The following TACR1 variants were observed in gnomAD, a reference collection of about 807,000 sequenced individuals.
The protein encoded by TACR1 is tachykinin receptor 1, also known as substance-P receptor.
In TACR1, 25 loss-of-function variants were observed where a neutral mutation model predicts 35.8. The observed-to-expected ratio is 0.70, with a 90% confidence interval of 0.51 to 0.98. TACR1 has a LOEUF of 0.98. TACR1 is among the 50% of genes least tolerant of loss of function. The pLI is 0.00. For missense variants in TACR1, 478 were observed against 522.9 expected (o/e 0.91, Z 0.84); for synonymous variants, 195 against 206.7 (o/e 0.94, Z 0.48).
intron 1 of TACR1, among the ~76,000 whole-genome samples, chr2:75,155,395 C>T (rs1430938123): frequency 6.6e-6 from 1 of 152,012 alleles, no homozygotes; most frequent in South Asian, 2.1e-4. Context: ...TCCTGTCTCC[C>T]CCTCCCTTTG....
intron 3 of TACR1, 123 bp downstream of exon 3, chr2:75,053,482 G>A (rs1451833562): frequency 1.6e-6 from 2 of 1,237,000 alleles, no homozygotes; most frequent in Non-Finnish European, 2.1e-6. Context: ...CCTCCTCTCT[G>A]TTGCTCCCCA....
chr2:75,049,599 G>A lies in TACR1; in HGVS notation c.1057C>T (p.Arg353Cys), dbSNP rs374522374. 8.1e-6 allele frequency: 13 copies of A among 1,613,968 alleles called. No homozygotes were observed. The highest frequency in any genetic ancestry group is 6.7e-5 in the African/African-American group (5 of 74,944). Residue 353 changes from arginine to cysteine, a missense_variant, in exon 5 of 5, where the codon CGC becomes TGC. Coordinates refer to ENST00000305249, the MANE Select transcript of TACR1 (RefSeq NM_001058.4). ...QTQGSVYKVS[R>C]LETTISTVVG... is the part of the protein sequence containing the mutation. ...ACTGTGGAGATGGTGGTCTCCAGGC[G>A]GCTGACTTTGTACACACTGCCCTGG...
chr2:75,111,433 C>A (rs563722817), intron 2 of TACR1, among the ~76,000 whole-genome samples: 1 of 152,094 alleles, frequency 6.6e-6, no homozygotes, highest in Admixed American at 6.5e-5. Flanking sequence ...AAGGATTCCA[C>A]AATCAAATAA....
At chr2:75,165,484 A>G (rs1036716735) in intron 1 of TACR1, among the ~76,000 whole-genome samples, 5 of 151,658 alleles carry the variant, frequency 3.3e-5, no homozygotes, top group African/African-American at 1.2e-4. Context: ...AATTTTTTGT[A>G]TTTTTAGTAG....
intron 1 of TACR1, among the ~76,000 whole-genome samples, chr2:75,133,195 T>C (rs1674211586): frequency 6.6e-6 from 1 of 152,220 alleles, no homozygotes; most frequent in African/African-American, 2.4e-5. Flanking sequence ...TGAGCATTTT[T>C]TACTTCTTGC....
chr2:75,131,863 T>C (rs1674185239), intron 1 of TACR1, among the ~76,000 whole-genome samples: 1 of 152,214 alleles, frequency 6.6e-6, no homozygotes, highest in African/African-American at 2.4e-5. Context: ...GTTTTGGTTA[T>C]ATTTTATTTA....
chr2:75,166,048 C>A (rs560409676), intron 1 of TACR1, among the ~76,000 whole-genome samples: 105 of 152,342 alleles, frequency 6.9e-4, no homozygotes, highest in African/African-American at 2.0e-3. Context: ...TAAAGGGATA[C>A]TTTTCCCCTC....
rs200970899 is a variant in TACR1 at position 75,074,692 on chromosome 2, TTC to T, written c.585-20939_585-20938del. Among the ~76,000 whole-genome samples the T allele has an allele frequency of 4.6e-3, 697 of 152,322 alleles. 6 individuals are homozygous for T. The highest frequency in any genetic ancestry group is 0.016 in the African/African-American group (646 of 41,572). On this transcript the variant is annotated intron_variant, in intron 2 of 4. Coordinates refer to ENST00000305249, the MANE Select transcript of TACR1 (RefSeq NM_001058.4). Reference sequence around the variant, plus strand: ...GCCCCTGAAGGCAGGGATTTTTTTTTTCTTCCAGGCAAGAAGGTGGCTTCAGA... The same window carrying T: ...GCCCCTGAAGGCAGGGATTTTTTTTTTTCCAGGCAAGAAGGTGGCTTCAGA...
chr2:75,179,478 C>T (rs1374447758), intron 1 of TACR1, among the ~76,000 whole-genome samples: 1 of 152,182 alleles, frequency 6.6e-6, no homozygotes, highest in African/African-American at 2.4e-5. Flanking sequence ...GATCATGTCC[C>T]TTCCCTGCTA....
At chr2:75,119,382 A>G (rs1461090553) in intron 2 of TACR1, among the ~76,000 whole-genome samples, 1 of 152,210 alleles carries the variant, frequency 6.6e-6, no homozygotes. Flanking sequence ...GTAACTGGCA[A>G]TCTTGTAATT....
At chr2:75,079,268 C>A (rs766821931) in intron 2 of TACR1, among the ~76,000 whole-genome samples, 10 of 152,090 alleles carry the variant, frequency 6.6e-5, no homozygotes, top group Admixed American at 5.9e-4. Context: ...AACACATGGC[C>A]GCTGCTGTAG....
At chr2:75,079,704 A>G (rs1235487724) in intron 2 of TACR1, among the ~76,000 whole-genome samples, 2 of 149,836 alleles carry the variant, frequency 1.3e-5, no homozygotes, top group African/African-American at 4.9e-5. Flanking sequence ...ACATCTCAGG[A>G]AAAGTCCAAA....
At chr2:75,191,389 C>T (rs569814439) in intron 1 of TACR1, among the ~76,000 whole-genome samples, 10 of 152,084 alleles carry the variant, frequency 6.6e-5, no homozygotes, top group Non-Finnish European at 1.3e-4. Context: ...AGGGGGTTGA[C>T]AGCAGTTAGG....
chr2:75,158,391 G>A (rs1360848572), intron 1 of TACR1, among the ~76,000 whole-genome samples: 1 of 152,192 alleles, frequency 6.6e-6, no homozygotes, highest in East Asian at 1.9e-4. Flanking sequence ...CTTAATAAGA[G>A]GGATTATTAT....
intron 1 of TACR1, among the ~76,000 whole-genome samples, chr2:75,126,467 T>C (rs1351548794): frequency 1.3e-5 from 2 of 152,104 alleles, no homozygotes; most frequent in Non-Finnish European, 2.9e-5. Flanking sequence ...GATTGCTGGG[T>C]CAAATGGTAG....
At chr2:75,169,339 T>C (rs1012241434) in intron 1 of TACR1, among the ~76,000 whole-genome samples, 67 of 152,294 alleles carry the variant, frequency 4.4e-4, no homozygotes, top group African/African-American at 1.5e-3. Context: ...TTAGTTTTTA[T>C]CTAAGAAAAG....
At chr2:75,145,227 T>G (rs1178711326) in intron 1 of TACR1, among the ~76,000 whole-genome samples, 3 of 152,134 alleles carry the variant, frequency 2.0e-5, no homozygotes, top group African/African-American at 7.2e-5. Context: ...AGAAATAGAA[T>G]AATATGTCTT....
intron 2 of TACR1, among the ~76,000 whole-genome samples, chr2:75,110,497 T>C (rs917898785): frequency 1.8e-4 from 28 of 152,046 alleles, no homozygotes; most frequent in Non-Finnish European, 1.0e-4. Flanking sequence ...TTTTGCTGCA[T>C]AATTTTCCAG....
At chr2:75,160,679 G>C (rs1001708760) in intron 1 of TACR1, among the ~76,000 whole-genome samples, 1 of 150,402 alleles carries the variant, frequency 6.6e-6, no homozygotes. Context: ...ACAATGAAAA[G>C]GAAAAGAACA....
Sources: gnomAD v4.1 joint callset for allele counts (sites outside exome capture counted in the v4.1 genomes callset) on GRCh38, gnomAD v4.1.1 for gene constraint, MANE v1.5 for transcripts, NCBI Gene and HGNC (gene_info 2026-07-23, HGNC 2026-07-21) for gene names.